RYR2: variants seen among roughly 807,000 people sequenced by gnomAD.
The protein encoded by RYR2 is cardiac muscle ryanodine receptor-calcium release channel.
RYR2 carries 227 observed loss-of-function variants against 601.1 expected under a neutral mutation model. The observed-to-expected ratio is 0.38, with a 90% CI of 0.34 to 0.42. The LOEUF (loss-of-function observed/expected upper bound fraction) is 0.42, where lower values mean the gene tolerates loss of function less well. Among genes scored for constraint, RYR2 ranks in the 10% least tolerant of loss-of-function variants. RYR2 has a pLI of 1.00. For synonymous variants in RYR2, 2,223 were observed against 2,175.1 expected, an observed-to-expected ratio of 1.02 and a Z score of -0.61; for missense variants, 4,646 against 6,156.5, an observed-to-expected ratio of 0.75 and a Z score of 8.21.
rs1383446371 is a variant in RYR2, at chr1:237,330,863, C to G, written c.169-15C>G. On this transcript the variant is annotated splice_polypyrimidine_tract_variant and intron_variant, in intron 2 of 104. Coordinates refer to ENST00000366574, the MANE Select transcript of RYR2 (RefSeq NM_001035.3). ...GAAGATGATGCTGCTGACTGCTCTT[C>G]CTCTTTCTGTGCAGAATGTGCCCCC... The G allele has an allele frequency of 6.2e-7, 1 of 1,608,066 alleles. No individual in the cohort carries two copies. The highest frequency in any genetic ancestry group is 8.5e-7 in the Non-Finnish European group (1 of 1,174,552).
At chr1:237,158,235 G>T (rs1334725657) in intron 1 of RYR2, among the ~76,000 whole-genome samples, 5 of 152,174 alleles carry the variant, frequency 3.3e-5, no homozygotes, top group African/African-American at 1.2e-4. Flanking sequence ...GATGGAGTGA[G>T]TTGGGTGTTT....
At chr1:237,129,600 G>A (rs1671929175) in intron 1 of RYR2, among the ~76,000 whole-genome samples, 1 of 151,618 alleles carries the variant, frequency 6.6e-6, no homozygotes, top group Admixed American at 6.6e-5. Context: ...CCACCTAAGT[G>A]TCTATAATGG....
chr1:237,187,351 G>A (rs115670791), intron 1 of RYR2, among the ~76,000 whole-genome samples: 6,410 of 151,370 alleles, frequency 0.042, 183 homozygotes, highest in Middle Eastern at 0.15. Flanking sequence ...TGTTGGCCAG[G>A]ATGGTTGTCT....
At chr1:237,296,219 T>C (rs968051671) in intron 2 of RYR2, among the ~76,000 whole-genome samples, 6 of 152,064 alleles carry the variant, frequency 3.9e-5, no homozygotes, top group Non-Finnish European at 7.4e-5. Context: ...GTATGAGATA[T>C]GATGTGGAAG....
intron 100 of RYR2, among the ~76,000 whole-genome samples, chr1:237,809,497 T>G (rs1248431895): frequency 6.6e-6 from 1 of 152,184 alleles, no homozygotes; most frequent in Non-Finnish European, 1.5e-5. Context: ...TGGTCTTGGT[T>G]TTCAAAAATC....
chr1:237,792,178 G>A lies in RYR2; in HGVS notation c.13637G>A (p.Ser4546Asn), dbSNP rs746790058. The A allele has an allele frequency of 6.2e-7, 1 of 1,613,066 alleles. No individual in the cohort carries two copies. Among genetic ancestry groups the A allele is most frequent in the Non-Finnish European group, 8.5e-7 (1 of 1,179,532 alleles). Residue 4546 changes from serine to asparagine, a missense_variant, in exon 94 of 105, where the codon AGC becomes AAC. By Grantham distance (46) the Ser-to-Asn change is conservative. This residue lies in a region of RYR2 where 364 missense variants were observed against 442.9 expected (regional missense o/e 0.82). Transcript: ENST00000366574. Reference protein sequence around the residue: ...RSSSENAKVTSLDSSSHRIIA... With the variant: ...RSSSENAKVTNLDSSSHRIIA... ...TCAAGTGAAAATGCCAAAGTGACAAGCCTGGACAGCAGCTCCCATAGAATC... is the reference window on the plus strand; with the variant it reads ...TCAAGTGAAAATGCCAAAGTGACAAACCTGGACAGCAGCTCCCATAGAATC...
chr1:237,624,060 T>C (rs2148650735), intron 39 of RYR2, among the ~76,000 whole-genome samples, 190 bp downstream of exon 39: 2 of 152,268 alleles, frequency 1.3e-5, no homozygotes, highest in South Asian at 4.2e-4. Context: ...TCCTGAGGGA[T>C]AGAGAAATCA....
At chr1:237,467,430 A>G (rs1660206143) in intron 16 of RYR2, among the ~76,000 whole-genome samples, 2 of 152,110 alleles carry the variant, frequency 1.3e-5, no homozygotes, top group African/African-American at 4.8e-5. Flanking sequence ...TCTGCTTAGA[A>G]CTTAGTACTT....
At chr1:237,269,042 CTTTTT>C (rs200563683) in intron 1 of RYR2, among the ~76,000 whole-genome samples, 1 of 113,222 alleles carries the variant, frequency 8.8e-6, no homozygotes. Context: ...ATAGCATATT[CTTTTT>C]TTTTTTTTTT....
intron 73 of RYR2, among the ~76,000 whole-genome samples, chr1:237,719,913 C>A (rs1290200425): frequency 6.6e-6 from 1 of 152,184 alleles, no homozygotes; most frequent in Non-Finnish European, 1.5e-5. Context: ...CAGATCCACA[C>A]TATATCAATA....
At chr1:237,172,527 G>C (rs1382656741) in intron 1 of RYR2, among the ~76,000 whole-genome samples, 1 of 151,906 alleles carries the variant, frequency 6.6e-6, no homozygotes, top group Non-Finnish European at 1.5e-5. Context: ...GAAAGGCAGT[G>C]CTCCAATGAG....
At chr1:237,295,357 T>C (rs1692650531) in intron 2 of RYR2, among the ~76,000 whole-genome samples, 1 of 151,644 alleles carries the variant, frequency 6.6e-6, no homozygotes, top group South Asian at 2.1e-4. Flanking sequence ...CAGTGAAAAA[T>C]CTGATCTAGA....
At chr1:237,175,703 G>C (rs910659244) in intron 1 of RYR2, among the ~76,000 whole-genome samples, 1 of 152,132 alleles carries the variant, frequency 6.6e-6, no homozygotes, top group African/African-American at 2.4e-5. Context: ...ATTTCAAGCA[G>C]AGTGCCCTGC....
intron 84 of RYR2, among the ~76,000 whole-genome samples, chr1:237,767,679 A>G (rs1422178109): frequency 6.6e-6 from 1 of 152,196 alleles, no homozygotes; most frequent in African/African-American, 2.4e-5. Context: ...TTTTAAATTT[A>G]CTTTTTAATT....
intron 1 of RYR2, among the ~76,000 whole-genome samples, chr1:237,079,743 A>G (rs1665393232): frequency 1.4e-5 from 2 of 142,984 alleles, no homozygotes; most frequent in Admixed American, 6.8e-5. Context: ...CCATCAAGCT[A>G]GCAATGCCTT....
At chr1:237,399,380 CAG>C (rs566040782) in intron 10 of RYR2, among the ~76,000 whole-genome samples, 26 of 152,028 alleles carry the variant, frequency 1.7e-4, no homozygotes, top group African/African-American at 5.1e-4. Context: ...GTTAGGGAAA[CAG>C]GGGAGGGAAA....
chr1:237,054,982 C>T (rs1015445516), intron 1 of RYR2, among the ~76,000 whole-genome samples: 3 of 152,168 alleles, frequency 2.0e-5, no homozygotes, highest in African/African-American at 7.2e-5. Flanking sequence ...GCACTGTTTC[C>T]TTTCCTTGTT....
rs745797239 is a variant in RYR2 at position 237,180,882 on chromosome 1, T to C, written c.49-89615T>C. ...TATACTAATTAAATATATTTGATTA[T>C]ATAATTATAACAATAAATATATAAC... On this transcript the variant is annotated intron_variant, in intron 1 of 104. Transcript: ENST00000366574. The surrounding 1 kb of genome is among the most constrained non-coding windows in gnomAD (Gnocchi z 5.3). Among the ~76,000 whole-genome samples the C allele has an allele frequency of 4.0e-4, 60 of 148,510 alleles. No individual in the cohort carries two copies. The highest frequency in any genetic ancestry group is 5.8e-4 in the Non-Finnish European group (39 of 67,316).
intron 29 of RYR2, among the ~76,000 whole-genome samples, chr1:237,574,943 G>T (rs911012849): frequency 3.3e-5 from 5 of 152,158 alleles, no homozygotes; most frequent in African/African-American, 1.2e-4. Context: ...AATGAGTATT[G>T]CTTTAAATGG....
Sources: gnomAD v4.1 joint callset for allele counts (sites outside exome capture counted in the v4.1 genomes callset) on GRCh38, gnomAD v4.1.1 for gene constraint, gnomAD v4.1.1 regional missense constraint, Gnocchi (gnomAD v3.1) non-coding constraint, MANE v1.5 for transcripts, NCBI Gene and HGNC (gene_info 2026-07-23, HGNC 2026-07-21) for gene names.